SLC6A15: variants seen among roughly 807,000 people sequenced by gnomAD.
SLC6A15 encodes the protein sodium-dependent neutral amino acid transporter B(0)AT2.
A neutral mutation model predicts 68.5 loss-of-function variants in SLC6A15; 33 were observed. The ratio of observed to expected loss-of-function variants is 0.48; its 90% CI spans 0.37 to 0.64. The LOEUF is 0.64. Ranked by LOEUF, SLC6A15 falls within the 30% of genes least tolerant of loss-of-function variation. SLC6A15 has a pLI of 0.00. For synonymous variants in SLC6A15, 347 were observed against 301.0 expected (o/e 1.15, Z -1.58); for missense variants, 747 against 874.3 (o/e 0.85, Z 1.84).
At position 84,873,244 on chromosome 12, in the gene SLC6A15, T is replaced by G. The variant is rs1346318625; in HGVS notation, c.952A>C (p.Ile318Leu). Reference protein sequence around the residue: ...FALGLGFGGVIAFSSYNKRDN... With the variant: ...FALGLGFGGVLAFSSYNKRDN... ...CTCTTGTTGTAGCTTGAAAAGGCAA[T>G]GACACCACCAAATCCCAGACCTAAG... The change falls in exon 7 of 12, where the codon ATT (isoleucine) becomes CTT (leucine). Residue 318 changes from isoleucine to leucine, a missense_variant. Transcript: ENST00000266682. 5.0e-6 allele frequency: 8 copies of G among 1,613,958 alleles called. No individual in the cohort carries two copies. The highest frequency in any genetic ancestry group is 6.8e-6 in the Non-Finnish European group (8 of 1,179,988).
Position 84,892,137 on chromosome 12 carries a change from T to G in SLC6A15, c.-17A>C. On this transcript the variant is annotated 5_prime_UTR_variant, in exon 2 of 12. Coordinates refer to ENST00000266682, the MANE Select transcript of SLC6A15 (RefSeq NM_182767.6). ...TTTGGGCATTGGAGAGTATGCGAAG[T>G]ATTTAAAAAAAAAAAAAAAAACTCC... The G allele has an allele frequency of 6.8e-7, 1 of 1,459,896 alleles. No individual in the cohort carries two copies. 90.4% of individuals were successfully genotyped at this position (1,459,896 alleles called of 1,614,324 possible).
chr12:84,891,769 A>G, intron 2 of SLC6A15, 63 bp downstream of exon 2: 1 of 1,408,648 alleles, frequency 7.1e-7, no homozygotes, highest in Non-Finnish European at 9.7e-7. Flanking sequence ...CAATAATAGG[A>G]GCTATTTGAG....
chr12:84,888,262 G>GAAGAA (rs1872214710), intron 2 of SLC6A15, among the ~76,000 whole-genome samples: 1 of 109,472 alleles, frequency 9.1e-6, no homozygotes, highest in African/African-American at 3.4e-5. Flanking sequence ...AGACCTTGTC[G>GAAGAA]AAAAAAAAAA....
chr12:84,906,860 G>A (rs1336948668), intron 1 of SLC6A15, among the ~76,000 whole-genome samples: 1 of 151,872 alleles, frequency 6.6e-6, no homozygotes, highest in South Asian at 2.1e-4. Flanking sequence ...TGAGATCTAG[G>A]GTTAACCAAA....
intron 7 of SLC6A15, 132 bp from the exon 8 acceptor site, chr12:84,872,926 A>T (rs930506011): frequency 8.4e-7 from 1 of 1,192,956 alleles, no homozygotes; most frequent in Non-Finnish European, 1.1e-6. Context: ...GTTTGAGGTG[A>T]TGACTATCCC....
intron 2 of SLC6A15, among the ~76,000 whole-genome samples, chr12:84,887,808 T>C (rs1464913473): frequency 6.6e-6 from 1 of 152,152 alleles, no homozygotes; most frequent in Non-Finnish European, 1.5e-5. Context: ...ACTTTTCTTC[T>C]ATCTCAAATT....
intron 1 of SLC6A15, among the ~76,000 whole-genome samples, chr12:84,894,968 T>G (rs1872576687): frequency 1.3e-5 from 2 of 152,202 alleles, no homozygotes; most frequent in Middle Eastern, 6.8e-3. Flanking sequence ...GAAGTGGGTA[T>G]TTGCATGCAT....
intron 1 of SLC6A15, among the ~76,000 whole-genome samples, chr12:84,896,145 C>T (rs573754407): frequency 2.6e-5 from 4 of 152,338 alleles, no homozygotes; most frequent in African/African-American, 7.2e-5. Context: ...CAAGCTATCA[C>T]TCACTGCACT....
intron 4 of SLC6A15, 79 bp downstream of exon 4, chr12:84,885,356 G>GA (rs1382955427): frequency 6.1e-6 from 8 of 1,310,694 alleles, no homozygotes; most frequent in African/African-American, 1.5e-5. Flanking sequence ...ATTTTAAAAA[G>GA]AAAAAAATCT....
At chr12:84,911,816 C>A (rs1451299229) in intron 1 of SLC6A15, 1 of 152,478 alleles carries the variant, frequency 6.6e-6, no homozygotes, top group East Asian at 1.9e-4. Context: ...AGCAGCACCA[C>A]CCTCACCGCC....
chr12:84,871,981 T>C (rs962079724), intron 8 of SLC6A15, among the ~76,000 whole-genome samples: 7 of 152,000 alleles, frequency 4.6e-5, no homozygotes, highest in African/African-American at 1.7e-4. Context: ...TGAACCGCCT[T>C]CTCCCGTCTC....
chr12:84,884,446 T>C (rs6539873), intron 4 of SLC6A15, among the ~76,000 whole-genome samples: 6,160 of 151,858 alleles, frequency 0.041, 398 homozygotes, highest in African/African-American at 0.14. Context: ...GCTGGGATTA[T>C]AGACACCCGC....
chr12:84,912,227 G>A (rs80142367), intron 1 of SLC6A15, among the ~76,000 whole-genome samples: 6,105 of 152,134 alleles, frequency 0.04, 388 homozygotes, highest in African/African-American at 0.13. Context: ...TTTCCACGAC[G>A]GGAAGAAAGG....
intron 1 of SLC6A15, among the ~76,000 whole-genome samples, chr12:84,906,771 C>A (rs1397492785): frequency 6.6e-6 from 1 of 151,988 alleles, no homozygotes; most frequent in African/African-American, 2.4e-5. Context: ...ATATCTTATA[C>A]AAAAATTAAT....
In SLC6A15 at chr12:84,870,519, G is replaced by A; in HGVS notation, c.1454C>T (p.Pro485Leu). Reference protein sequence around the residue: ...MFGTIEGIVTPIVDTFKVRKE... With the variant: ...MFGTIEGIVTLIVDTFKVRKE... ...CCTCACTTTGAAAGTGTCCACAATAGGCGTGACAATCCCTTCAATGGTTCC... is the reference window on the plus strand; with the variant it reads ...CCTCACTTTGAAAGTGTCCACAATAAGCGTGACAATCCCTTCAATGGTTCC... Residue 485 changes from proline to leucine, a missense_variant, in exon 9 of 12, where the codon CCT becomes CTT. Coordinates refer to ENST00000266682, the MANE Select transcript of SLC6A15 (RefSeq NM_182767.6). The A allele has an allele frequency of 6.3e-7, 1 of 1,585,554 alleles. No individual in the cohort carries two copies. The highest frequency in any genetic ancestry group is 1.1e-5 in the South Asian group (1 of 87,304).
chr12:84,883,912 C>T lies in SLC6A15; in HGVS notation c.703G>A (p.Ala235Thr), dbSNP rs1871950976. Residue 235 changes from alanine (A) to threonine (T), a missense_variant, in exon 5 of 12, where the codon GCC (alanine) becomes ACC (threonine). Ala to Thr is a moderately conservative substitution (Grantham distance 58, BLOSUM62 0). Transcript: ENST00000266682. ...ATAGCCAAGCAAACCATGACCCAGG[C>T]AGCCAACAAGCAGATGGTCATCTTC... is the stretch of plus-strand genomic sequence containing the variant. ...NWKMTICLLA[A>T]WVMVCLAMIK... is the part of the protein sequence containing the mutation. 1 of 1,614,074 alleles carries T rather than the reference C, an allele frequency of 6.2e-7. No homozygotes were observed. The highest frequency in any genetic ancestry group is 1.1e-5 in the South Asian group (1 of 91,082).
intron 10 of SLC6A15, among the ~76,000 whole-genome samples, chr12:84,863,811 C>T (rs948670733): frequency 6.6e-6 from 1 of 151,808 alleles, no homozygotes; most frequent in African/African-American, 2.4e-5. Context: ...TCTCTTAAGC[C>T]AATTACTGAT....
intron 3 of SLC6A15, 85 bp from the exon 4 acceptor site, chr12:84,885,646 C>T: frequency 7.4e-7 from 1 of 1,353,568 alleles, no homozygotes; most frequent in African/African-American, 1.5e-5. Flanking sequence ...TTTTATTTAA[C>T]ATTTTAAAAT....
rs1325125784 is a variant in SLC6A15 at position 84,912,557 on chromosome 12, T to G, written c.-223A>C. The stretch of plus-strand genomic sequence containing the variant: ...GTCTTGACCAAGCGCCTCTTGCTGC[T>G]TCCACGTCCGGGCAGCAGCAGCAGC... On this transcript the variant is annotated 5_prime_UTR_variant, in exon 1 of 12. Coordinates refer to ENST00000266682, the MANE Select transcript of SLC6A15 (RefSeq NM_182767.6). 1 of 152,456 alleles carries G rather than the reference T, an allele frequency of 6.6e-6. No homozygotes were observed. The highest frequency in any genetic ancestry group is 2.4e-5 in the African/African-American group (1 of 41,442). The allele number at this position is 152,456 out of a possible 1,614,324, so 9.4% of individuals were successfully genotyped here. A position where few individuals can be genotyped will look rare whatever the true frequency, so the allele number is the denominator to read the frequency against.
Sources: gnomAD v4.1 joint callset for allele counts (sites outside exome capture counted in the v4.1 genomes callset) on GRCh38, gnomAD v4.1.1 for gene constraint, MANE v1.5 for transcripts, NCBI Gene and HGNC (gene_info 2026-07-23, HGNC 2026-07-21) for gene names.